The following FAM13C variants were observed in gnomAD, a reference collection of about 807,000 sequenced individuals.
FAM13C encodes the protein protein FAM13C.
A neutral mutation model predicts 73.2 loss-of-function variants in FAM13C; 37 were observed. The ratio of observed to expected loss-of-function variants is 0.51; its 90% CI spans 0.39 to 0.67. FAM13C has a LOEUF of 0.67. Ranked by LOEUF, FAM13C falls within the 30% of genes least tolerant of loss-of-function variation. The pLI, the probability that FAM13C is intolerant of heterozygous loss-of-function variation, is 0.00. For missense variants in FAM13C, 589 were observed against 715.6 expected (o/e 0.82, Z 2.02); for synonymous variants, 246 against 260.9 (o/e 0.94, Z 0.55).
chr10:59,356,063 A>C, intron 1 of FAM13C, 120 bp from the exon 2 acceptor site: 1 of 877,986 alleles, frequency 1.1e-6, no homozygotes, highest in African/African-American at 1.6e-5. Context: ...ACTCCCTATC[A>C]TTCTCTCCCA....
At chr10:59,275,223 C>T (rs1388643991) in intron 6 of FAM13C, among the ~76,000 whole-genome samples, 4 of 152,080 alleles carry the variant, frequency 2.6e-5, no homozygotes, top group African/African-American at 9.7e-5. Context: ...TAGTCTCATC[C>T]CAAGTCAATT....
intron 4 of FAM13C, among the ~76,000 whole-genome samples, chr10:59,303,590 T>C (rs1847851834): frequency 6.6e-6 from 1 of 152,200 alleles, no homozygotes; most frequent in Admixed American, 6.5e-5. Context: ...TAATATATGC[T>C]GGGTACCATG....
At chr10:59,291,074 A>G (rs1589476156) in intron 5 of FAM13C, among the ~76,000 whole-genome samples, 1 of 152,270 alleles carries the variant, frequency 6.6e-6, no homozygotes, top group East Asian at 1.9e-4. Flanking sequence ...GCCTTGACAC[A>G]CTATAAATAT....
At chr10:59,359,374 G>C (rs1270807706) in intron 1 of FAM13C, among the ~76,000 whole-genome samples, 1 of 152,224 alleles carries the variant, frequency 6.6e-6, no homozygotes, top group Non-Finnish European at 1.5e-5. Context: ...GGTGGTGAAA[G>C]AAATACCCAC....
At chr10:59,340,078 G>A (rs1438550616) in intron 3 of FAM13C, among the ~76,000 whole-genome samples, 1 of 152,142 alleles carries the variant, frequency 6.6e-6, no homozygotes, top group Non-Finnish European at 1.5e-5. Context: ...AACAAAATGT[G>A]TTCACAGTTA....
At chr10:59,346,739 A>C (rs1174776359) in intron 3 of FAM13C, among the ~76,000 whole-genome samples, 1 of 152,168 alleles carries the variant, frequency 6.6e-6, no homozygotes, top group African/African-American at 2.4e-5. Flanking sequence ...ATCCTCCCCA[A>C]ATTTGGTTGT....
chr10:59,359,568 T>C (rs959338989), intron 1 of FAM13C, among the ~76,000 whole-genome samples: 1 of 152,202 alleles, frequency 6.6e-6, no homozygotes, highest in African/African-American at 2.4e-5. Flanking sequence ...TAGCACTACC[T>C]GAAGTACCTG....
At chr10:59,284,905 C>T (rs1237526885) in intron 5 of FAM13C, among the ~76,000 whole-genome samples, 2 of 151,996 alleles carry the variant, frequency 1.3e-5, no homozygotes, top group African/African-American at 4.8e-5. Context: ...CTGCTCCATA[C>T]ACACCTTCAC....
chr10:59,254,413 G>A lies in FAM13C; in HGVS notation c.1267C>T (p.Pro423Ser), dbSNP rs1034075753. The A allele has an allele frequency of 6.4e-7, 1 of 1,550,668 alleles. No individual in the cohort carries two copies. Among genetic ancestry groups the A allele is most frequent in the Non-Finnish European group, 8.7e-7 (1 of 1,147,458 alleles). Residue 423 changes from proline (P) to serine (S), a missense_variant, in exon 11 of 14, where the codon CCG (proline) becomes TCG (serine). Physicochemically the swap from Pro to Ser is moderately conservative, Grantham distance 74 (BLOSUM62 -1). Coordinates refer to ENST00000618804, the MANE Select transcript of FAM13C (RefSeq NM_198215.4). Reference sequence around the variant, plus strand: ...ATAATTCTGTATCGGTCATAAAGCGGCTTTATGAGGTTCTTGTCTTGCTTA... The same window carrying A: ...ATAATTCTGTATCGGTCATAAAGCGACTTTATGAGGTTCTTGTCTTGCTTA... ...VTKQDKNLIK[P>S]LYDRYRIIKQ...
chr10:59,289,902 A>G (rs941406672), intron 5 of FAM13C, among the ~76,000 whole-genome samples: 37 of 152,060 alleles, frequency 2.4e-4, no homozygotes, highest in Non-Finnish European at 1.8e-4. Context: ...TCAGGGCCAG[A>G]CTGCTAGTGC....
At position 59,324,071 on chromosome 10, in the gene FAM13C, A is replaced by G. The variant is rs1434831177; in HGVS notation, c.360T>C (p.Cys120=). ...GAGCTGGTGTTCCTGCTCTCACCTG[A>G]CACTCTGACTGGCTGGATACCACAT... ...TEHVVSSQSE[C]QVRAGTPAHE... is the part of the protein sequence containing the mutation. The change falls in exon 4 of 14, where the codon TGT becomes TGC. Residue 120 remains cysteine (C), a synonymous_variant. Transcript: ENST00000618804. The G allele has an allele frequency of 8.7e-6, 14 of 1,613,842 alleles. No homozygotes were observed. The highest frequency in any genetic ancestry group is 1.2e-5 in the Non-Finnish European group (14 of 1,179,936).
intron 8 of FAM13C, among the ~76,000 whole-genome samples, chr10:59,266,641 C>T (rs147845278): frequency 6.6e-6 from 1 of 152,324 alleles, no homozygotes; most frequent in Non-Finnish European, 1.5e-5. Flanking sequence ...GCTCCCTGAT[C>T]TGTCCTTCCA....
chr10:59,313,285 C>G (rs1465170665), intron 4 of FAM13C, among the ~76,000 whole-genome samples: 1 of 152,186 alleles, frequency 6.6e-6, no homozygotes, highest in Non-Finnish European at 1.5e-5. Flanking sequence ...CATTTAGATT[C>G]CTTTCCTTGC....
chr10:59,283,425 C>A lies in FAM13C; in HGVS notation c.530G>T (p.Gly177Val), dbSNP rs1352216327. The A allele has an allele frequency of 6.2e-7, 1 of 1,614,206 alleles. No individual in the cohort carries two copies. The highest frequency in any genetic ancestry group is 1.1e-5 in the South Asian group (1 of 91,082). Residue 177 changes from glycine (G) to valine (V), a missense_variant, in exon 6 of 14, where the codon GGA becomes GTA. Coordinates refer to ENST00000618804, the MANE Select transcript of FAM13C (RefSeq NM_198215.4). ...LNEEEAAQVH[G>V]VKDPAPASTQ... The stretch of plus-strand genomic sequence containing the variant: ...TGATGCTGGCGCCGGGTCCTTGACT[C>A]CATGCACCTGAGCAGCTTCTTCCTG...
intron 9 of FAM13C, chr10:59,263,774 T>G: frequency 3.0e-6 from 1 of 336,304 alleles, no homozygotes; most frequent in Non-Finnish European, 5.7e-6. Context: ...GCCTCTTCTG[T>G]TTCTAACATC....
intron 5 of FAM13C, among the ~76,000 whole-genome samples, chr10:59,294,426 C>G (rs1311484522): frequency 6.6e-6 from 1 of 152,184 alleles, no homozygotes; most frequent in Non-Finnish European, 1.5e-5. Flanking sequence ...TAGGCAAGTC[C>G]TGCCTCAATG....
chr10:59,306,260 T>C (rs550577900), intron 4 of FAM13C, among the ~76,000 whole-genome samples: 1 of 152,268 alleles, frequency 6.6e-6, no homozygotes, highest in South Asian at 2.1e-4. Context: ...ATATGGTATA[T>C]ATTAGTGAGA....
Position 59,362,502 on chromosome 10 carries a change from C to T in FAM13C, c.-42G>A, listed in dbSNP as rs753412814. On this transcript the variant is annotated 5_prime_UTR_variant, in exon 1 of 14. Coordinates refer to ENST00000618804, the MANE Select transcript of FAM13C (RefSeq NM_198215.4). ...GGGAGCCGTCTCCCTGATTGCTCTC[C>T]GGGAGTTAGAGCACATACACAAACA... 5.0e-6 allele frequency: 8 copies of T among 1,604,952 alleles called. No individual in the cohort carries two copies. In the African/African-American group the frequency reaches 6.7e-5, roughly 13 times the overall value.
At chr10:59,362,647 A>C, upstream of FAM13C, 1 of 1,325,574 alleles carries the variant, frequency 7.5e-7, no homozygotes, top group Non-Finnish European at 1.0e-6. Flanking sequence ...CGAACCACAA[A>C]GCCCGGCAGC....
Sources: gnomAD v4.1 joint callset for allele counts (sites outside exome capture counted in the v4.1 genomes callset) on GRCh38, gnomAD v4.1.1 for gene constraint, MANE v1.5 for transcripts, NCBI Gene and HGNC (gene_info 2026-07-23, HGNC 2026-07-21) for gene names.